Variants in DNAH5 observed in about 807,000 individuals in gnomAD.
DNAH5 encodes the protein axonemal beta dynein heavy chain 5.
DNAH5 carries 372 observed loss-of-function variants against 518.2 expected under a neutral mutation model. The ratio of observed to expected loss-of-function variants is 0.72; its 90% CI spans 0.66 to 0.78. DNAH5 has a LOEUF of 0.78. DNAH5 is among the 30% of genes least tolerant of loss of function. The pLI is 0.00. For missense variants in DNAH5, 5,523 were observed against 5,687.0 expected, an observed-to-expected ratio of 0.97 and a Z score of 0.93; for synonymous variants, 2,039 against 2,025.9, an observed-to-expected ratio of 1.01 and a Z score of -0.17.
intron 37 of DNAH5, 112 bp from the exon 38 acceptor site, chr5:13,829,816 T>C (rs1763398808): frequency 8.3e-7 from 1 of 1,203,880 alleles, no homozygotes; most frequent in Non-Finnish European, 1.2e-6. Context: ...ACCAGGGAAC[T>C]CATTTACGTA....
chr5:13,893,018 A>T (rs1773471883), intron 16 of DNAH5, among the ~76,000 whole-genome samples: 1 of 152,164 alleles, frequency 6.6e-6, no homozygotes, highest in Admixed American at 6.5e-5. Flanking sequence ...TATGGGCTGA[A>T]TCATAATTTC....
chr5:13,738,050 G>A (rs1747831072), intron 65 of DNAH5, among the ~76,000 whole-genome samples: 1 of 148,632 alleles, frequency 6.7e-6, no homozygotes, highest in African/African-American at 2.5e-5. Flanking sequence ...ACAACAGAGT[G>A]AGACTCTAAC....
intron 40 of DNAH5, among the ~76,000 whole-genome samples, chr5:13,822,801 C>T (rs1010411626): frequency 3.3e-5 from 5 of 152,086 alleles, no homozygotes; most frequent in South Asian, 2.1e-4. Context: ...CCCTACCCAC[C>T]GTATCCCACC....
intron 3 of DNAH5, among the ~76,000 whole-genome samples, chr5:13,925,075 A>G (rs1319499932): frequency 6.6e-6 from 1 of 152,152 alleles, no homozygotes; most frequent in Admixed American, 6.5e-5. Context: ...TCTTCCTCCC[A>G]TGGTGCTAGG....
intron 35 of DNAH5, among the ~76,000 whole-genome samples, chr5:13,831,244 C>T (rs1763641216): frequency 6.6e-6 from 1 of 152,208 alleles, no homozygotes; most frequent in South Asian, 2.1e-4. Flanking sequence ...GGATTTAAAA[C>T]ACACACTGCT....
chr5:13,701,138 G>T (rs550871610), intron 77 of DNAH5, 146 bp downstream of exon 77: 12 of 1,101,418 alleles, frequency 1.1e-5, no homozygotes, highest in African/African-American at 1.6e-5. Context: ...ACAACTGGCT[G>T]GGATTTATGT....
Position 13,883,004 on chromosome 5 carries a change from G to A in DNAH5, c.3074C>T (p.Pro1025Leu), listed in dbSNP as rs751797958. 1.9e-6 allele frequency: 3 copies of A among 1,614,044 alleles called. No individual in the cohort carries two copies. The highest frequency in any genetic ancestry group is 1.7e-5 in the Admixed American group (1 of 60,004). Residue 1025 changes from proline (P) to leucine (L), a missense_variant, in exon 20 of 79, where the codon CCT becomes CTT. Physicochemically the swap from Pro to Leu is moderately conservative, Grantham distance 98. Around this residue, in one of 3 missense-constraint regions of DNAH5, gnomAD observed 5,121 missense variants for 5,223.3 expected, o/e 0.98. Coordinates refer to ENST00000265104, the MANE Select transcript of DNAH5 (RefSeq NM_001369.3). ...GGTCTGCTGTACATCTTCCAGGGCAGGGGCCATGACGATGTTGGGAATGGC... is the reference window on the plus strand; with the variant it reads ...GGTCTGCTGTACATCTTCCAGGGCAAGGGCCATGACGATGTTGGGAATGGC... ...TLAIPNIVMA[P>L]ALEDVQQTLN...
intron 1 of DNAH5, among the ~76,000 whole-genome samples, chr5:13,940,417 A>G (rs1289113043): frequency 4.6e-5 from 7 of 152,168 alleles, no homozygotes. Flanking sequence ...AAAAATATAT[A>G]TATATAATAT....
chr5:13,914,165 G>A (rs977904163), intron 10 of DNAH5, among the ~76,000 whole-genome samples: 7 of 151,974 alleles, frequency 4.6e-5, no homozygotes, highest in Non-Finnish European at 1.0e-4. Context: ...GGTTACTCAC[G>A]ATGCAACTCA....
At chr5:13,897,730 G>A (rs559714158) in intron 15 of DNAH5, 1 of 152,316 alleles carries the variant, frequency 6.6e-6, no homozygotes, top group East Asian at 1.9e-4. Flanking sequence ...CAACCTCCAA[G>A]ATAATAAATG....
chr5:13,760,893 G>T, intron 60 of DNAH5, among the ~76,000 whole-genome samples: 1 of 152,284 alleles, frequency 6.6e-6, no homozygotes, highest in Middle Eastern at 3.4e-3. Context: ...TGCACTCACT[G>T]CCTCTTCTAC....
intron 65 of DNAH5, among the ~76,000 whole-genome samples, chr5:13,737,914 T>G (rs1747796038): frequency 6.6e-6 from 1 of 151,438 alleles, no homozygotes; most frequent in African/African-American, 2.4e-5. Flanking sequence ...TACAAAAAAA[T>G]TATCTGGGCA....
chr5:13,996,350 T>C (rs561553184), intron 1 of DNAH5, among the ~76,000 whole-genome samples: 48 of 152,266 alleles, frequency 3.2e-4, no homozygotes, highest in African/African-American at 1.1e-3. Context: ...ACATACAGAA[T>C]ACATTCATTC....
chr5:13,904,838 C>G (rs1007231679), intron 12 of DNAH5, among the ~76,000 whole-genome samples: 1 of 151,972 alleles, frequency 6.6e-6, no homozygotes, highest in South Asian at 2.1e-4. Context: ...TTGAGCCCAG[C>G]AGATCGAGGC....
In DNAH5 at chr5:13,707,741, C is replaced by T. The variant is rs1034419218; in HGVS notation, c.13338+382G>A. ...ATGTTAGGGTGAGGCATGTTTCCTTCTATGAAACCAACATCATGGACTTTG... is the reference window on the plus strand; with the variant it reads ...ATGTTAGGGTGAGGCATGTTTCCTTTTATGAAACCAACATCATGGACTTTG... On this transcript the variant is annotated intron_variant, in intron 76 of 78. Coordinates refer to ENST00000265104, the MANE Select transcript of DNAH5 (RefSeq NM_001369.3). This position sits in a 1 kb window ranked among gnomAD's most constrained non-coding sequence, Gnocchi z 4.0. 6.6e-6 allele frequency among the ~76,000 whole-genome samples: 1 copy of T among 151,804 alleles called. No individual in the cohort carries two copies. The highest frequency in any genetic ancestry group is 1.5e-5 in the Non-Finnish European group (1 of 67,934).
chr5:13,840,092 CTTTGACAAAGAA>C (rs545477788), intron 34 of DNAH5, among the ~76,000 whole-genome samples: 12 of 151,324 alleles, frequency 7.9e-5, no homozygotes, highest in African/African-American at 2.9e-4. Flanking sequence ...TCATCATTTT[CTTTGACAAAGAA>C]GAAATCTAAA....
chr5:13,903,320 A>C (rs1580818066), intron 12 of DNAH5, among the ~76,000 whole-genome samples: 1 of 152,058 alleles, frequency 6.6e-6, no homozygotes, highest in Admixed American at 6.5e-5. Flanking sequence ...GGAAAAATAC[A>C]AAAAAAGATG....
At chr5:13,974,975 A>G (rs1393911795) in intron 1 of DNAH5, among the ~76,000 whole-genome samples, 1 of 152,164 alleles carries the variant, frequency 6.6e-6, no homozygotes, top group African/African-American at 2.4e-5. Context: ...TTGATGAGGC[A>G]CAGACTGGCC....
intron 52 of DNAH5, among the ~76,000 whole-genome samples, chr5:13,785,772 C>T (rs988768608): frequency 1.3e-4 from 20 of 152,194 alleles, no homozygotes; most frequent in Non-Finnish European, 2.5e-4. Flanking sequence ...AGTATTTACC[C>T]TTCTGAGTCT....
Sources: gnomAD v4.1 joint callset for allele counts (sites outside exome capture counted in the v4.1 genomes callset) on GRCh38, gnomAD v4.1.1 for gene constraint, gnomAD v4.1.1 regional missense constraint, Gnocchi (gnomAD v3.1) non-coding constraint, MANE v1.5 for transcripts, NCBI Gene and HGNC (gene_info 2026-07-23, HGNC 2026-07-21) for gene names.